GFRAL: variants seen among roughly 807,000 people sequenced by gnomAD.
GFRAL encodes the protein GDNF family receptor alpha-like.
In GFRAL, 36 loss-of-function variants were observed where a neutral mutation model predicts 45.4. The ratio of observed to expected loss-of-function variants is 0.79; its 90% CI spans 0.61 to 1.05. GFRAL has a LOEUF of 1.05. Ranked by LOEUF, GFRAL falls within the 50% of genes least tolerant of loss-of-function variation. The pLI is 0.00. For missense variants in GFRAL, 507 were observed against 467.5 expected (o/e 1.08, Z -0.78); for synonymous variants, 166 against 154.1 (o/e 1.08, Z -0.57).
intron 3 of GFRAL, among the ~76,000 whole-genome samples, chr6:55,341,046 C>G (rs1267635221): frequency 6.6e-6 from 1 of 152,166 alleles, no homozygotes; most frequent in South Asian, 2.1e-4. Context: ...TGGGTGGAGC[C>G]CATCGCAGCT....
chr6:55,373,577 A>T (rs964433370), intron 6 of GFRAL, among the ~76,000 whole-genome samples: 1 of 151,800 alleles, frequency 6.6e-6, no homozygotes, highest in African/African-American at 2.4e-5. Flanking sequence ...TTCCTTCCTC[A>T]CCTCTGTGCC....
chr6:55,398,650 T>C (rs1581763368), intron 6 of GFRAL, among the ~76,000 whole-genome samples: 1 of 152,282 alleles, frequency 6.6e-6, no homozygotes, highest in East Asian at 1.9e-4. Flanking sequence ...AATGTATTTC[T>C]CAGAAACATG....
chr6:55,368,570 G>A (rs1337747192), intron 6 of GFRAL, among the ~76,000 whole-genome samples: 1 of 151,940 alleles, frequency 6.6e-6, no homozygotes. Context: ...CATCTTTGTG[G>A]TTTTATCTAC....
At chr6:55,338,554 T>G (rs576264648) in intron 3 of GFRAL, among the ~76,000 whole-genome samples, 1,989 of 152,222 alleles carry the variant, frequency 0.013, 23 homozygotes, top group Non-Finnish European at 0.022. Flanking sequence ...TGTGATACAG[T>G]CTACACACAT....
chr6:55,390,250 A>T (rs963857459), intron 6 of GFRAL, among the ~76,000 whole-genome samples: 2 of 152,208 alleles, frequency 1.3e-5, no homozygotes, highest in African/African-American at 2.4e-5. Context: ...ATCTGTCAAA[A>T]ATTTTCATTA....
At chr6:55,339,958 G>A (rs1394489445) in intron 3 of GFRAL, among the ~76,000 whole-genome samples, 1 of 152,114 alleles carries the variant, frequency 6.6e-6, no homozygotes, top group Non-Finnish European at 1.5e-5. Flanking sequence ...ATGCTGTTAT[G>A]TGGAAATATT....
intron 6 of GFRAL, among the ~76,000 whole-genome samples, chr6:55,369,427 T>C (rs1193705892): frequency 1.3e-5 from 2 of 152,258 alleles, no homozygotes; most frequent in Non-Finnish European, 2.9e-5. Flanking sequence ...CTCGGAGCTG[T>C]AGACCGGAGC....
rs565384554 is a variant in GFRAL at position 55,388,875 on chromosome 6, G to A, written c.953-10305G>A. ...CCAGCTTATTTTTAAAGGAGTTTTC[G>A]TAAGAAACATAACTCCCCAACCTCT... On this transcript the variant is annotated intron_variant, in intron 6 of 8. Transcript: ENST00000340465. 2.6e-4 allele frequency among the ~76,000 whole-genome samples: 40 copies of A among 152,096 alleles called. No individual in the cohort carries two copies. The South Asian group carries it at 6.2e-3, about 24-fold the overall frequency.
At chr6:55,335,658 C>G (rs1767881332) in intron 3 of GFRAL, among the ~76,000 whole-genome samples, 1 of 152,104 alleles carries the variant, frequency 6.6e-6, no homozygotes, top group Non-Finnish European at 1.5e-5. Flanking sequence ...CTGCAAATAT[C>G]TAATTGTTCC....
At chr6:55,332,498 C>G (rs1269387543) in intron 2 of GFRAL, among the ~76,000 whole-genome samples, 1 of 151,940 alleles carries the variant, frequency 6.6e-6, no homozygotes, top group South Asian at 2.1e-4. Flanking sequence ...CGGCTCACTG[C>G]AACCTCCGCC....
At chr6:55,378,707 C>A (rs1768566998) in intron 6 of GFRAL, among the ~76,000 whole-genome samples, 2 of 151,698 alleles carry the variant, frequency 1.3e-5, no homozygotes, top group Non-Finnish European at 2.9e-5. Flanking sequence ...TTTTTTTAAT[C>A]CCTTTGACCA....
chr6:55,380,636 G>A (rs1768596071), intron 6 of GFRAL, among the ~76,000 whole-genome samples: 2 of 151,834 alleles, frequency 1.3e-5, no homozygotes, highest in Admixed American at 1.3e-4. Context: ...CACCTCTCAG[G>A]GAATAAGAAA....
intron 6 of GFRAL, among the ~76,000 whole-genome samples, chr6:55,395,194 A>ATATATATATATATAT (rs1768808613): frequency 4.1e-5 from 6 of 147,736 alleles, no homozygotes; most frequent in African/African-American, 7.5e-5. Context: ...ATATATATAT[A>ATATATATATATATAT]AGCCAGCTAG....
Position 55,337,229 on chromosome 6 carries a change from A to T in GFRAL, c.316+3285A>T, listed in dbSNP as rs972643609. Among the ~76,000 whole-genome samples, 5 of 151,952 alleles carry T rather than the reference A, an allele frequency of 3.3e-5. No individual in the cohort carries two copies. The South Asian group carries it at 8.3e-4, about 25-fold the overall frequency. ...TTTATATGGCGAAATTCATTATTTG[A>T]TTTTTTACTGTTGTTCCAGCCCTTC... On this transcript the variant is annotated intron_variant, in intron 3 of 8. Transcript: ENST00000340465.
At chr6:55,369,313 C>G (rs544556957) in intron 6 of GFRAL, among the ~76,000 whole-genome samples, 1 of 152,234 alleles carries the variant, frequency 6.6e-6, no homozygotes, top group African/African-American at 2.4e-5. Context: ...ACGCAAGGTG[C>G]GCGCACCCAC....
intron 6 of GFRAL, among the ~76,000 whole-genome samples, chr6:55,363,581 T>C (rs1350229021): frequency 1.9e-5 from 2 of 107,578 alleles, no homozygotes; most frequent in Non-Finnish European, 3.7e-5. Flanking sequence ...ATGCTATCCC[T>C]CCCCCCTCCC....
chr6:55,381,822 C>G (rs1364180327), intron 6 of GFRAL, among the ~76,000 whole-genome samples: 1 of 151,794 alleles, frequency 6.6e-6, no homozygotes, highest in Non-Finnish European at 1.5e-5. Context: ...CCTGCAAAAA[C>G]TCCTCTCTCT....
intron 6 of GFRAL, among the ~76,000 whole-genome samples, chr6:55,385,376 G>A (rs1768666040): frequency 2.0e-5 from 3 of 152,070 alleles, no homozygotes; most frequent in Admixed American, 6.6e-5. Context: ...ACTAATGCTA[G>A]CTGACTTGTC....
chr6:55,334,875 T>C (rs1019746422), intron 3 of GFRAL, among the ~76,000 whole-genome samples: 3 of 152,220 alleles, frequency 2.0e-5, no homozygotes, highest in African/African-American at 7.2e-5. Context: ...AGTTTATTTT[T>C]CTTGAAGAGT....
Sources: gnomAD v4.1 joint callset for allele counts (sites outside exome capture counted in the v4.1 genomes callset) on GRCh38, gnomAD v4.1.1 for gene constraint, MANE v1.5 for transcripts, NCBI Gene and HGNC (gene_info 2026-07-23, HGNC 2026-07-21) for gene names.